The following SV2C variants were observed in gnomAD, a reference collection of about 807,000 sequenced individuals.
SV2C encodes synaptic vesicle glycoprotein 2C, also known as solute carrier family 22 member B3.
SV2C carries 49 observed loss-of-function variants against 79.7 expected under a neutral mutation model. The observed-to-expected ratio is 0.61, with a 90% CI of 0.49 to 0.78. SV2C has a LOEUF of 0.78. Ranked by LOEUF, SV2C falls within the 30% of genes least tolerant of loss-of-function variation. The pLI is 0.00. For synonymous variants in SV2C, 334 were observed against 333.2 expected, an observed-to-expected ratio of 1.00 and a Z score of -0.03; for missense variants, 833 against 912.9, an observed-to-expected ratio of 0.91 and a Z score of 1.13.
chr5:76,247,281 T>G (rs1417834797), intron 4 of SV2C, among the ~76,000 whole-genome samples: 1 of 151,762 alleles, frequency 6.6e-6, no homozygotes. Context: ...ACCTGCCGTG[T>G]GCAACAGATG....
chr5:75,866,275 AT>A, the SV2C span, among the ~76,000 whole-genome samples: 13,334 of 152,148 alleles, frequency 0.088, 1,376 homozygotes, highest in African/African-American at 0.25. Flanking sequence ...GGTAGTCAGT[AT>A]TATGTAGTTT....
At chr5:75,984,606 T>TCTAC in the SV2C span, among the ~76,000 whole-genome samples, 3 of 141,918 alleles carry the variant, frequency 2.1e-5, no homozygotes, top group African/African-American at 5.2e-5. Context: ...TACCTATCTA[T>TCTAC]CTATCTATCT....
chr5:76,162,575 C>T (rs1041944000), intron 2 of SV2C, among the ~76,000 whole-genome samples: 11 of 152,284 alleles, frequency 7.2e-5, no homozygotes, highest in Admixed American at 6.5e-5. Context: ...TCACCTCCAA[C>T]CTCTGTGATG....
chr5:76,078,914 G>A, upstream of SV2C: 1 of 553,104 alleles, frequency 1.8e-6, no homozygotes, highest in East Asian at 4.7e-5. Flanking sequence ...GACTTGCAGG[G>A]CAAAGAAGAG....
At chr5:76,343,395 G>T (rs75051898) in intron 12 of SV2C, among the ~76,000 whole-genome samples, 1 of 152,188 alleles carries the variant, frequency 6.6e-6, no homozygotes, top group South Asian at 2.1e-4. Context: ...TAGAAAAAGA[G>T]CAAAGACTTA....
chr5:75,914,145 A>T, the SV2C span, among the ~76,000 whole-genome samples: 8 of 152,284 alleles, frequency 5.3e-5, no homozygotes, highest in Middle Eastern at 3.4e-3. Context: ...TCCCAGTTTC[A>T]TCTTTAAAGT....
At chr5:76,315,724 T>C (rs1232486774) in intron 12 of SV2C, among the ~76,000 whole-genome samples, 28 of 152,068 alleles carry the variant, frequency 1.8e-4, no homozygotes. Context: ...TCTGGTGAAA[T>C]GAATTAAGCT....
At chr5:76,234,058 A>G (rs1469030548) in intron 4 of SV2C, among the ~76,000 whole-genome samples, 2 of 152,294 alleles carry the variant, frequency 1.3e-5, no homozygotes, top group Non-Finnish European at 1.5e-5. Flanking sequence ...GTATATAATT[A>G]TTTTAAACAA....
the SV2C span, among the ~76,000 whole-genome samples, chr5:76,043,151 T>G: frequency 6.6e-6 from 1 of 152,204 alleles, no homozygotes; most frequent in Non-Finnish European, 1.5e-5. Flanking sequence ...GAAAGCCCAT[T>G]TGGAGAGAGA....
At chr5:75,988,079 C>T in the SV2C span, among the ~76,000 whole-genome samples, 2 of 152,036 alleles carry the variant, frequency 1.3e-5, no homozygotes, top group Non-Finnish European at 2.9e-5. Context: ...TGGTTATTTT[C>T]ATCCTCCCAG....
intron 12 of SV2C, among the ~76,000 whole-genome samples, chr5:76,319,262 A>G (rs1748738996): frequency 6.7e-6 from 1 of 150,280 alleles, no homozygotes. Flanking sequence ...AAAAAAAAAC[A>G]CAAAAAATTG....
intron 12 of SV2C, among the ~76,000 whole-genome samples, chr5:76,342,115 A>G (rs760522671): frequency 1.2e-4 from 18 of 152,168 alleles, no homozygotes; most frequent in Non-Finnish European, 2.4e-4. Flanking sequence ...TCTGGCAGCC[A>G]GAAAGAGGAG....
chr5:76,278,107 A>C (rs1747076808), intron 4 of SV2C, among the ~76,000 whole-genome samples: 1 of 151,874 alleles, frequency 6.6e-6, no homozygotes, highest in African/African-American at 2.4e-5. Flanking sequence ...GAAAATAATC[A>C]AAAGAAAATC....
In SV2C at chr5:76,327,837, T is replaced by C. The variant is rs1187371369; in HGVS notation, c.*2290T>C. 6.6e-6 allele frequency: 1 copy of C among 152,232 alleles called. No homozygotes were observed. The highest frequency in any genetic ancestry group is 1.5e-5 in the Non-Finnish European group (1 of 68,044). The allele number at this position is 152,232 out of a possible 1,614,324, so 9.4% of individuals were successfully genotyped here. On this transcript the variant is annotated 3_prime_UTR_variant, in exon 13 of 13. Transcript: ENST00000502798. ...AGAGCACAGTTATTCAGAATTTTAT[T>C]TGAACACTGGGTTGGGTCAGCATAG...
the SV2C span, among the ~76,000 whole-genome samples, chr5:76,046,697 A>G: frequency 2.0e-5 from 3 of 151,606 alleles, no homozygotes; most frequent in Non-Finnish European, 4.4e-5. Context: ...TTTTAAAAGA[A>G]AAAAAAAATC....
chr5:75,925,846 T>C, the SV2C span, among the ~76,000 whole-genome samples: 1 of 152,100 alleles, frequency 6.6e-6, no homozygotes, highest in Non-Finnish European at 1.5e-5. Flanking sequence ...TAAAGTAAGA[T>C]GGTTTATCAT....
chr5:75,960,910 C>A, the SV2C span, among the ~76,000 whole-genome samples: 1 of 151,928 alleles, frequency 6.6e-6, no homozygotes, highest in Non-Finnish European at 1.5e-5. Context: ...TACCACTTTG[C>A]ACATACTTCT....
At chr5:75,949,808 G>T in the SV2C span, among the ~76,000 whole-genome samples, 2 of 152,022 alleles carry the variant, frequency 1.3e-5, no homozygotes, top group African/African-American at 4.8e-5. Context: ...TATCTGCAGT[G>T]TGAAAACCAG....
At chr5:76,063,389 G>A in the SV2C span, among the ~76,000 whole-genome samples, 1 of 152,140 alleles carries the variant, frequency 6.6e-6, no homozygotes, top group African/African-American at 2.4e-5. Flanking sequence ...GAGAAAAAAA[G>A]AATGTGGCAA....
Sources: allele counts gnomAD v4.1 joint callset (sites outside exome capture counted in the v4.1 genomes callset), GRCh38; gene constraint gnomAD v4.1.1; transcripts MANE v1.5; gene names NCBI Gene and HGNC (gene_info 2026-07-23, HGNC 2026-07-21).